Variants in SLC22A23 observed in about 807,000 individuals in gnomAD.
SLC22A23 encodes solute carrier family 22 member 23.
In SLC22A23, 26 loss-of-function variants were observed where a neutral mutation model predicts 61.0. That is an observed-to-expected ratio of 0.43 (90% CI 0.31 to 0.59). SLC22A23 has a LOEUF of 0.59. Among genes scored for constraint, SLC22A23 ranks in the 20% least tolerant of loss-of-function variants. The pLI is 0.11. For missense variants in SLC22A23, 796 were observed against 934.7 expected, an observed-to-expected ratio of 0.85 and a Z score of 1.94; for synonymous variants, 430 against 413.9, an observed-to-expected ratio of 1.04 and a Z score of -0.47.
chr6:3,307,021 G>A (rs562362243), intron 4 of SLC22A23, among the ~76,000 whole-genome samples: 43 of 152,354 alleles, frequency 2.8e-4, no homozygotes, highest in African/African-American at 9.4e-4. Context: ...AGGGGCACAA[G>A]GATTCCTCCT....
rs201310321 is a variant in SLC22A23 at position 3,298,078 on chromosome 6, G to A, written c.1210+13C>T. The A allele has an allele frequency of 1.6e-4, 244 of 1,515,732 alleles. 1 individual carries two copies. The highest frequency in any genetic ancestry group is 6.6e-4 in the South Asian group (50 of 75,798). 93.9% of individuals were successfully genotyped at this position (1,515,732 alleles called of 1,614,324 possible). A position where few individuals can be genotyped will look rare whatever the true frequency, so the allele number is the denominator to read the frequency against. On this transcript the variant is annotated intron_variant, in intron 5 of 9. Coordinates refer to ENST00000406686, the MANE Select transcript of SLC22A23 (RefSeq NM_015482.2). ...GAGCCTCTCTGAGCCCTGCCAGCCC[G>A]CGGTGTGCTCACCTGGTATCACACC...
intron 1 of SLC22A23, among the ~76,000 whole-genome samples, chr6:3,445,386 AC>A (rs1236221244): frequency 6.6e-6 from 1 of 151,980 alleles, no homozygotes; most frequent in Non-Finnish European, 1.5e-5. Flanking sequence ...TTTAGTAGAG[AC>A]CAGGGTTTCA....
At chr6:3,332,036 CA>C (rs1305756173) in intron 3 of SLC22A23, among the ~76,000 whole-genome samples, 1 of 152,118 alleles carries the variant, frequency 6.6e-6, no homozygotes, top group Non-Finnish European at 1.5e-5. Flanking sequence ...AGTGAGTGAC[CA>C]TGTTTGTAGA....
In SLC22A23 at chr6:3,308,435, ATTCCC is replaced by A. The variant is rs1762139596; in HGVS notation, c.1083-10222_1083-10218del. The stretch of plus-strand genomic sequence containing the variant: ...GAAAAATGCCAGTCTCACTCTAAAC[ATTCCC>A]TTCCTTTTAGATTGGCACACATTTG... On this transcript the variant is annotated intron_variant, in intron 4 of 9. Transcript: ENST00000406686. This position sits in a 1 kb window ranked among gnomAD's most constrained non-coding sequence, Gnocchi z 5.1. 6.6e-6 allele frequency among the ~76,000 whole-genome samples: 1 copy of A among 152,130 alleles called. No homozygotes were observed.
At chr6:3,280,479 T>A (rs1759346028) in intron 9 of SLC22A23, among the ~76,000 whole-genome samples, 1 of 148,416 alleles carries the variant, frequency 6.7e-6, no homozygotes, top group African/African-American at 2.5e-5. Flanking sequence ...TGTGACATTT[T>A]TAAGACACAA....
rs916180989 is a variant in SLC22A23, at chr6:3,419,460, C to A, written c.655-3605G>T. Among the ~76,000 whole-genome samples the A allele has an allele frequency of 4.7e-4, 72 of 152,192 alleles. 2 individuals are homozygous for A. The highest frequency in any genetic ancestry group is 1.7e-3 in the African/African-American group (71 of 41,446). On this transcript the variant is annotated intron_variant, in intron 1 of 9. Coordinates refer to ENST00000406686, the MANE Select transcript of SLC22A23 (RefSeq NM_015482.2). The stretch of plus-strand genomic sequence containing the variant: ...TTTGGTCCTGCCAATCAGGTGCACA[C>A]CCCAAAATAACTTTCTGTGTGCAAC...
intron 1 of SLC22A23, among the ~76,000 whole-genome samples, chr6:3,435,393 C>A (rs1204537401): frequency 6.6e-6 from 1 of 151,870 alleles, no homozygotes; most frequent in Non-Finnish European, 1.5e-5. Flanking sequence ...TCCCCCTTTC[C>A]TTTCCCTCCT....
intron 3 of SLC22A23, among the ~76,000 whole-genome samples, chr6:3,334,285 T>A (rs545448358): frequency 7.2e-5 from 11 of 152,188 alleles, no homozygotes; most frequent in Admixed American, 3.9e-4. Flanking sequence ...CCTCAGCTTC[T>A]TGAGTAGCTA....
rs1260027650 is a variant in SLC22A23, at chr6:3,271,855, T to C, written c.*1200A>G. ...AGCTTTGGTGAGTTATTGCTTTCTTTCAATTTGTCTTGATGCCTTCGAGAG... is the reference window on the plus strand; with the variant it reads ...AGCTTTGGTGAGTTATTGCTTTCTTCCAATTTGTCTTGATGCCTTCGAGAG... On this transcript the variant is annotated 3_prime_UTR_variant, in exon 10 of 10. Coordinates refer to ENST00000406686, the MANE Select transcript of SLC22A23 (RefSeq NM_015482.2). 6.6e-6 allele frequency: 1 copy of C among 152,408 alleles called. No homozygotes were observed. Among genetic ancestry groups the C allele is most frequent in the African/African-American group, 2.4e-5 (1 of 41,470 alleles). The allele number at this position is 152,408 out of a possible 1,614,324, so 9.4% of individuals were successfully genotyped here.
At chr6:3,279,106 CTA>C (rs1179875907) in intron 9 of SLC22A23, among the ~76,000 whole-genome samples, 2 of 152,250 alleles carry the variant, frequency 1.3e-5, no homozygotes, top group East Asian at 1.9e-4. Context: ...AGAAAAATGT[CTA>C]TGTATATGTA....
chr6:3,379,851 G>A (rs78196693), intron 3 of SLC22A23, among the ~76,000 whole-genome samples: 5,944 of 152,302 alleles, frequency 0.039, 415 homozygotes, highest in African/African-American at 0.14. Flanking sequence ...AAGGGTTCCT[G>A]TGGTTTCATT....
intron 4 of SLC22A23, among the ~76,000 whole-genome samples, chr6:3,315,692 G>A (rs1301967549): frequency 3.3e-5 from 5 of 152,004 alleles, no homozygotes; most frequent in Non-Finnish European, 5.9e-5. Context: ...GTGAAACCCC[G>A]TCTCTCCTAA....
intron 3 of SLC22A23, among the ~76,000 whole-genome samples, chr6:3,404,733 A>G (rs1028559553): frequency 2.6e-5 from 4 of 152,220 alleles, no homozygotes; most frequent in African/African-American, 9.6e-5. Context: ...TGAGCCCAGA[A>G]GCTCTGACTG....
chr6:3,421,770 A>G (rs1441734900), intron 1 of SLC22A23, among the ~76,000 whole-genome samples: 1 of 152,228 alleles, frequency 6.6e-6, no homozygotes, highest in East Asian at 1.9e-4. Context: ...AGACAAAATC[A>G]TTAAAAAACA....
intron 6 of SLC22A23, 94 bp downstream of exon 6, chr6:3,289,670 A>AGCG (rs1489311265): frequency 1.0e-6 from 1 of 983,128 alleles, no homozygotes; most frequent in East Asian, 2.5e-5. Context: ...TTCCAAGTTC[A>AGCG]GCGGGGTGGG....
chr6:3,369,265 A>C (rs1234351842), intron 3 of SLC22A23, among the ~76,000 whole-genome samples: 1 of 152,162 alleles, frequency 6.6e-6, no homozygotes, highest in Admixed American at 6.5e-5. Flanking sequence ...CACAAAAAGG[A>C]CTACAGCCTG....
At position 3,273,374 on chromosome 6, in the gene SLC22A23, A is replaced by C; in HGVS notation, c.1742T>G (p.Phe581Cys). ...GATGATGGGTGCCGTCAGCATGCCG[A>C]AGCCCGCGCTGGCCAGCACCAGCCC... ...GLGLVLASAGFGMLTAPIIEL... is the reference protein window; with the variant it reads ...GLGLVLASAGCGMLTAPIIEL... Residue 581 changes from phenylalanine to cysteine, a missense_variant, in exon 10 of 10, where the codon TTC becomes TGC. Coordinates refer to ENST00000406686, the MANE Select transcript of SLC22A23 (RefSeq NM_015482.2). The C allele has an allele frequency of 6.2e-7, 1 of 1,612,956 alleles. No homozygotes were observed. Among genetic ancestry groups the C allele is most frequent in the South Asian group, 1.1e-5 (1 of 91,078 alleles).
At chr6:3,311,952 G>A (rs1762387047) in intron 4 of SLC22A23, 1 of 152,194 alleles carries the variant, frequency 6.6e-6, no homozygotes, top group African/African-American at 2.4e-5. Flanking sequence ...CGGCACCAAG[G>A]TCTTGCCTGG....
At chr6:3,393,531 A>T (rs968460241) in intron 3 of SLC22A23, among the ~76,000 whole-genome samples, 2 of 152,132 alleles carry the variant, frequency 1.3e-5, no homozygotes, top group African/African-American at 4.8e-5. Context: ...GGCAGCTCTG[A>T]CCTAAACCCT....
Sources: gnomAD v4.1 joint callset for allele counts (sites outside exome capture counted in the v4.1 genomes callset) on GRCh38, gnomAD v4.1.1 for gene constraint, Gnocchi (gnomAD v3.1) non-coding constraint, MANE v1.5 for transcripts, NCBI Gene and HGNC (gene_info 2026-07-23, HGNC 2026-07-21) for gene names.